The following SUCLG2 variants were observed in gnomAD, a reference collection of about 807,000 sequenced individuals.
The protein encoded by SUCLG2 is succinate--CoA ligase [GDP-forming] subunit beta, mitochondrial.
Under a neutral mutation model 47.9 loss-of-function variants are expected in SUCLG2, and 42 were observed. That is an observed-to-expected ratio of 0.88 (90% CI 0.69 to 1.14). SUCLG2 has a LOEUF of 1.14. Among genes scored for constraint, SUCLG2 ranks in the 50% most tolerant of loss-of-function variants. SUCLG2 has a pLI of 0.00. For missense variants in SUCLG2, 571 were observed against 525.9 expected (o/e 1.09, Z -0.84); for synonymous variants, 195 against 197.3 (o/e 0.99, Z 0.10).
intron 9 of SUCLG2, among the ~76,000 whole-genome samples, chr3:67,405,579 C>A (rs534947835): frequency 7.2e-5 from 11 of 152,256 alleles, no homozygotes; most frequent in East Asian, 1.9e-4. Flanking sequence ...GCCTCCAAGA[C>A]CTCCAATGGC....
intron 2 of SUCLG2, among the ~76,000 whole-genome samples, chr3:67,594,824 A>G (rs1708256508): frequency 6.6e-6 from 1 of 152,226 alleles, no homozygotes; most frequent in African/African-American, 2.4e-5. Context: ...TTTAGCAATC[A>G]TTGATATTGT....
intron 2 of SUCLG2, among the ~76,000 whole-genome samples, chr3:67,549,084 G>A (rs938642160): frequency 2.6e-5 from 4 of 152,152 alleles, no homozygotes; most frequent in African/African-American, 9.7e-5. Context: ...ATGATGTTGT[G>A]TAAGCTCAGT....
chr3:67,553,480 A>T (rs1013311347), intron 2 of SUCLG2, among the ~76,000 whole-genome samples: 1 of 152,218 alleles, frequency 6.6e-6, no homozygotes, highest in Admixed American at 6.5e-5. Flanking sequence ...TTCACTTTCA[A>T]GGGGGCTTTT....
chr3:67,397,476 C>G (rs1702558148), intron 10 of SUCLG2, among the ~76,000 whole-genome samples: 1 of 152,092 alleles, frequency 6.6e-6, no homozygotes, highest in Non-Finnish European at 1.5e-5. Context: ...CGTGAAGGAC[C>G]TCTTCAAGGA....
At chr3:67,622,745 A>T (rs1700756819) in intron 1 of SUCLG2, among the ~76,000 whole-genome samples, 2 of 152,240 alleles carry the variant, frequency 1.3e-5, no homozygotes, top group South Asian at 4.1e-4. Flanking sequence ...AAGATTAATA[A>T]GATCTGAAGG....
chr3:67,409,066 T>G (rs1026967490), intron 9 of SUCLG2: 73 of 1,526,658 alleles, frequency 4.8e-5, no homozygotes, highest in Non-Finnish European at 6.2e-5. Context: ...GTAAGATATC[T>G]TGTATAGGTT....
intron 10 of SUCLG2, among the ~76,000 whole-genome samples, chr3:67,386,732 A>G (rs1349249311): frequency 6.6e-6 from 1 of 152,186 alleles, no homozygotes; most frequent in Non-Finnish European, 1.5e-5. Context: ...TGCTGCCCAC[A>G]ACACGTGGGG....
chr3:67,620,568 C>G (rs547549145), intron 1 of SUCLG2, among the ~76,000 whole-genome samples: 112 of 105,146 alleles, frequency 1.1e-3, no homozygotes, highest in African/African-American at 4.2e-3. Flanking sequence ...CTGGGTGACA[C>G]AGTGAGACTC....
At chr3:67,570,894 C>A (rs1308846919) in intron 2 of SUCLG2, among the ~76,000 whole-genome samples, 2 of 152,106 alleles carry the variant, frequency 1.3e-5, no homozygotes, top group Non-Finnish European at 2.9e-5. Context: ...TTTGTGGGTC[C>A]TTTTAGCAAA....
chr3:67,519,063 GA>G (rs913115671), intron 5 of SUCLG2, among the ~76,000 whole-genome samples: 85 of 147,272 alleles, frequency 5.8e-4, no homozygotes, highest in African/African-American at 1.6e-3. Flanking sequence ...ATAAGGTTGA[GA>G]AAAAAAAAAA....
chr3:67,372,197 T>C (rs1701964843), downstream of SUCLG2, among the ~76,000 whole-genome samples: 2 of 152,194 alleles, frequency 1.3e-5, no homozygotes, highest in African/African-American at 4.8e-5. Flanking sequence ...TTACCATTGC[T>C]GTCATACAGA....
At chr3:67,598,588 A>T (rs1012251835) in intron 2 of SUCLG2, among the ~76,000 whole-genome samples, 1 of 152,196 alleles carries the variant, frequency 6.6e-6, no homozygotes, top group Non-Finnish European at 1.5e-5. Flanking sequence ...TGTATATGAA[A>T]AGTATCGTGT....
intron 9 of SUCLG2, among the ~76,000 whole-genome samples, chr3:67,485,654 T>A (rs1410350299): frequency 1.3e-5 from 2 of 152,236 alleles, no homozygotes; most frequent in East Asian, 1.9e-4. Flanking sequence ...GGAAATTTTT[T>A]AAAATATCAC....
intron 7 of SUCLG2, among the ~76,000 whole-genome samples, chr3:67,500,136 T>C (rs1234816695): frequency 6.6e-6 from 1 of 152,192 alleles, no homozygotes; most frequent in African/African-American, 2.4e-5. Flanking sequence ...CACCTGACTC[T>C]TGAAAGGGAA....
intron 10 of SUCLG2, among the ~76,000 whole-genome samples, chr3:67,376,696 T>C (rs534839717): frequency 3.1e-4 from 47 of 152,266 alleles, no homozygotes; most frequent in African/African-American, 1.1e-3. Context: ...ACATTTCATA[T>C]AAAGAGGCAA....
chr3:67,534,980 T>G (rs1706501610), intron 2 of SUCLG2, among the ~76,000 whole-genome samples: 3 of 152,138 alleles, frequency 2.0e-5, no homozygotes, highest in African/African-American at 7.2e-5. Flanking sequence ...TCTCTACTGA[T>G]TAATTACAGG....
chr3:67,469,521 A>C (rs1329664098), intron 9 of SUCLG2, among the ~76,000 whole-genome samples: 1 of 150,274 alleles, frequency 6.7e-6, no homozygotes, highest in Admixed American at 6.6e-5. Flanking sequence ...CGAGGTCAGG[A>C]GTTCGAGACC....
intron 9 of SUCLG2, among the ~76,000 whole-genome samples, chr3:67,483,335 T>C (rs994457506): frequency 5.9e-5 from 9 of 152,162 alleles, no homozygotes; most frequent in East Asian, 5.8e-4. Context: ...GCAGATTCTT[T>C]CATTGATAGC....
chr3:67,602,457 G>A (rs1463649553), intron 2 of SUCLG2, among the ~76,000 whole-genome samples: 1 of 152,096 alleles, frequency 6.6e-6, no homozygotes, highest in Admixed American at 6.6e-5. Flanking sequence ...CTGCAGAGTG[G>A]TATTCAGTGA....
Sources: allele counts gnomAD v4.1 joint callset (sites outside exome capture counted in the v4.1 genomes callset), GRCh38; gene constraint gnomAD v4.1.1; transcripts MANE v1.5; gene names NCBI Gene and HGNC (gene_info 2026-07-23, HGNC 2026-07-21).